NRXN3: variants seen among roughly 807,000 people sequenced by gnomAD.
NRXN3 encodes neurexin 3, also known as neurexin III.
NRXN3 carries 32 observed loss-of-function variants against 137.6 expected under a neutral mutation model. That is an observed-to-expected ratio of 0.23 (90% confidence interval 0.18 to 0.31). NRXN3 has a LOEUF of 0.31. Among genes scored for constraint, NRXN3 ranks in the 10% least tolerant of loss-of-function variants. NRXN3 has a pLI of 1.00. For missense variants in NRXN3, 1,574 were observed against 2,062.5 expected (o/e 0.76, Z 4.59); for synonymous variants, 798 against 784.5 (o/e 1.02, Z -0.29).
chr14:78,927,553 CT>C (rs1192206694), intron 10 of NRXN3, among the ~76,000 whole-genome samples: 4 of 152,178 alleles, frequency 2.6e-5, no homozygotes, highest in Non-Finnish European at 5.9e-5. Context: ...CTTACCATTA[CT>C]TCATACAGTG....
intron 16 of NRXN3, among the ~76,000 whole-genome samples, chr14:79,495,887 A>C (rs2153663724): frequency 6.6e-6 from 1 of 152,062 alleles, no homozygotes; most frequent in African/African-American, 2.4e-5. Context: ...CCCAGTGATC[A>C]AAGTCGATGG....
intron 15 of NRXN3, among the ~76,000 whole-genome samples, chr14:79,265,796 T>G (rs1383313832): frequency 6.6e-6 from 1 of 152,240 alleles, no homozygotes. Context: ...GCTCTCTGCC[T>G]GAATTGGGCT....
chr14:78,823,974 T>C (rs1323200409), intron 10 of NRXN3, among the ~76,000 whole-genome samples: 2 of 152,016 alleles, frequency 1.3e-5, no homozygotes, highest in Non-Finnish European at 2.9e-5. Context: ...GAGATGGTGG[T>C]TGGTTTTTAG....
intron 4 of NRXN3, among the ~76,000 whole-genome samples, chr14:78,494,275 T>C (rs1250507132): frequency 6.6e-6 from 1 of 152,146 alleles, no homozygotes; most frequent in Non-Finnish European, 1.5e-5. Flanking sequence ...TGGAAGTTGG[T>C]TTTTAGTCAT....
chr14:78,910,088 T>C (rs2099232504), intron 10 of NRXN3, among the ~76,000 whole-genome samples: 1 of 152,186 alleles, frequency 6.6e-6, no homozygotes, highest in South Asian at 2.1e-4. Context: ...TATTTTTTAA[T>C]GTTCTGGTTC....
intron 6 of NRXN3, among the ~76,000 whole-genome samples, chr14:78,676,078 G>T (rs1466628525): frequency 6.6e-6 from 1 of 152,010 alleles, no homozygotes; most frequent in Non-Finnish European, 1.5e-5. Context: ...CCTCCCTTCA[G>T]GTTTCCCTAT....
At chr14:79,216,758 C>T (rs1189861146) in intron 15 of NRXN3, among the ~76,000 whole-genome samples, 1 of 152,168 alleles carries the variant, frequency 6.6e-6, no homozygotes, top group Non-Finnish European at 1.5e-5. Flanking sequence ...TTAACTACAA[C>T]TATTTAATAA....
At chr14:79,771,362 T>G (rs894452190) in intron 19 of NRXN3, among the ~76,000 whole-genome samples, 7 of 152,170 alleles carry the variant, frequency 4.6e-5, no homozygotes, top group African/African-American at 1.7e-4. Flanking sequence ...TGAACATTGA[T>G]GCAAGAATCC....
At chr14:79,327,699 T>C (rs114770826) in intron 15 of NRXN3, among the ~76,000 whole-genome samples, 3,193 of 152,312 alleles carry the variant, frequency 0.021, 114 homozygotes, top group African/African-American at 0.073. Flanking sequence ...CTGTGCTTCT[T>C]TTTATGATTA....
At position 79,463,591 on chromosome 14, in the gene NRXN3, C is replaced by G. The variant is rs951871545; in HGVS notation, c.3263-3630C>G. 1.4e-4 allele frequency among the ~76,000 whole-genome samples: 22 copies of G among 152,122 alleles called. 1 individual carries two copies. Among genetic ancestry groups the G allele is most frequent in the Admixed American group, 1.3e-3 (20 of 15,258 alleles). ...CTGGAATACTGTGTTGGTTAAAACT[C>G]AGCAAAGCAACCTCAGCTGCTTGCA... On this transcript the variant is annotated intron_variant, in intron 15 of 20. Coordinates refer to ENST00000335750, the MANE Select transcript of NRXN3 (RefSeq NM_001330195.2).
intron 15 of NRXN3, among the ~76,000 whole-genome samples, chr14:79,278,571 C>G (rs989917863): frequency 6.6e-6 from 1 of 152,198 alleles, no homozygotes; most frequent in Admixed American, 6.5e-5. Flanking sequence ...CGGACAGGCG[C>G]CAGTCACTTC....
intron 4 of NRXN3, among the ~76,000 whole-genome samples, chr14:78,568,345 A>G (rs1490400489): frequency 2.6e-5 from 4 of 152,324 alleles, no homozygotes; most frequent in Admixed American, 6.5e-5. Context: ...GCCACCATCT[A>G]TGAACCAGGA....
intron 19 of NRXN3, among the ~76,000 whole-genome samples, chr14:79,800,201 A>G (rs1325346670): frequency 6.6e-6 from 1 of 152,230 alleles, no homozygotes; most frequent in East Asian, 1.9e-4. Flanking sequence ...AAAAATGTGA[A>G]GATGACATTG....
chr14:79,845,468 G>A (rs1296897730), intron 20 of NRXN3, among the ~76,000 whole-genome samples: 1 of 152,010 alleles, frequency 6.6e-6, no homozygotes. Flanking sequence ...AGAGGCCACT[G>A]CAGTGTTATT....
At chr14:78,284,939 C>T (rs1212090835) in intron 3 of NRXN3, among the ~76,000 whole-genome samples, 2 of 152,234 alleles carry the variant, frequency 1.3e-5, no homozygotes, top group African/African-American at 4.8e-5. Flanking sequence ...CAAGACATTG[C>T]ATCCTTTGCC....
At chr14:79,578,005 A>T (rs1299405520) in intron 16 of NRXN3, among the ~76,000 whole-genome samples, 2 of 152,340 alleles carry the variant, frequency 1.3e-5, no homozygotes, top group East Asian at 3.9e-4. Context: ...TAGGTGAAGG[A>T]TGCATGATCC....
At chr14:79,276,912 G>T (rs1327547844) in intron 15 of NRXN3, among the ~76,000 whole-genome samples, 2 of 152,190 alleles carry the variant, frequency 1.3e-5, no homozygotes, top group Non-Finnish European at 2.9e-5. Flanking sequence ...GAGCCCGTAT[G>T]ATGTGCTACC....
At chr14:79,462,167 A>G (rs897108571) in intron 15 of NRXN3, among the ~76,000 whole-genome samples, 1 of 152,040 alleles carries the variant, frequency 6.6e-6, no homozygotes, top group Admixed American at 6.6e-5. Flanking sequence ...TGAGGTCAGG[A>G]GTTCGAGACC....
At chr14:79,606,540 T>C (rs1015965027) in intron 16 of NRXN3, among the ~76,000 whole-genome samples, 2 of 152,214 alleles carry the variant, frequency 1.3e-5, no homozygotes, top group Non-Finnish European at 2.9e-5. Context: ...ATGGACCATC[T>C]CAGAGGGTCA....
Sources: gnomAD v4.1 joint callset for allele counts (sites outside exome capture counted in the v4.1 genomes callset) on GRCh38, gnomAD v4.1.1 for gene constraint, MANE v1.5 for transcripts, NCBI Gene and HGNC (gene_info 2026-07-23, HGNC 2026-07-21) for gene names.